PHF21B: variants seen among roughly 807,000 people sequenced by gnomAD.
PHF21B encodes PHD finger protein 21B, also known as PHD finger protein 4.
A neutral mutation model predicts 62.2 loss-of-function variants in PHF21B; 22 were observed. The ratio of observed to expected loss-of-function variants is 0.35; its 90% CI spans 0.25 to 0.51. PHF21B has a LOEUF of 0.51. PHF21B is among the 20% of genes least tolerant of loss of function. The pLI is 0.97. For missense variants in PHF21B, 701 were observed against 707.9 expected, an observed-to-expected ratio of 0.99 and a Z score of 0.11; for synonymous variants, 341 against 314.7, an observed-to-expected ratio of 1.08 and a Z score of -0.88.
rs2070762876 is a variant in PHF21B, at chr22:44,882,853, C to T, written c.*233G>A. 1.9e-6 allele frequency: 1 copy of T among 521,822 alleles called. No homozygotes were observed. Among genetic ancestry groups the T allele is most frequent in the Non-Finnish European group, 3.3e-6 (1 of 300,014 alleles). The allele number at this position is 521,822 out of a possible 1,614,324, so 32.3% of individuals were successfully genotyped here. ...GGGGAGACTGTGTGCCCCAGCCTGTCGTACCCCACCTGGCTCCTAGGTACC... is the reference window on the plus strand; with the variant it reads ...GGGGAGACTGTGTGCCCCAGCCTGTTGTACCCCACCTGGCTCCTAGGTACC... On this transcript the variant is annotated 3_prime_UTR_variant, in exon 13 of 13. Coordinates refer to ENST00000313237, the MANE Select transcript of PHF21B (RefSeq NM_138415.5).
At chr22:44,948,265 G>A (rs1045319602) in intron 2 of PHF21B, among the ~76,000 whole-genome samples, 1 of 152,178 alleles carries the variant, frequency 6.6e-6, no homozygotes, top group African/African-American at 2.4e-5. Context: ...GGAAATCTGA[G>A]CTTGTTTTCC....
chr22:44,979,978 A>AGAAT (rs1351669123), intron 2 of PHF21B, among the ~76,000 whole-genome samples: 1 of 145,224 alleles, frequency 6.9e-6, no homozygotes, highest in Non-Finnish European at 1.5e-5. Flanking sequence ...CTGAGGCAGG[A>AGAAT]GAATCGCTTG....
intron 5 of PHF21B, among the ~76,000 whole-genome samples, chr22:44,908,476 G>A (rs2071290148): frequency 6.6e-6 from 1 of 152,176 alleles, no homozygotes; most frequent in Admixed American, 6.5e-5. Flanking sequence ...CTGGGACACT[G>A]CTGACTCGAC....
At chr22:44,975,446 C>T (rs2072719243) in intron 2 of PHF21B, among the ~76,000 whole-genome samples, 2 of 152,226 alleles carry the variant, frequency 1.3e-5, no homozygotes, top group East Asian at 1.9e-4. Flanking sequence ...GCAGGCGTCC[C>T]TCTAGGCCTG....
chr22:44,931,359 C>T (rs905190263), intron 2 of PHF21B, among the ~76,000 whole-genome samples: 5 of 152,058 alleles, frequency 3.3e-5, no homozygotes, highest in Non-Finnish European at 7.4e-5. Context: ...GGCTCCCACC[C>T]GGCTCGGTCT....
chr22:44,932,998 G>A (rs1030418658), intron 2 of PHF21B, among the ~76,000 whole-genome samples: 11 of 152,332 alleles, frequency 7.2e-5, no homozygotes, highest in African/African-American at 2.2e-4. Context: ...AGGGGGCCCC[G>A]CATTCTAACA....
At chr22:44,974,480 T>A (rs548903428) in intron 2 of PHF21B, among the ~76,000 whole-genome samples, 1 of 151,310 alleles carries the variant, frequency 6.6e-6, no homozygotes, top group South Asian at 2.1e-4. Flanking sequence ...ACATGACACA[T>A]GCTTACATTT....
intron 2 of PHF21B, chr22:45,000,646 C>T (rs572835365): frequency 6.6e-6 from 1 of 152,272 alleles, no homozygotes; most frequent in East Asian, 1.9e-4. Context: ...TTTTAAGACT[C>T]TAAGGTATCA....
intron 9 of PHF21B, among the ~76,000 whole-genome samples, chr22:44,889,035 A>G (rs528809415): frequency 1.3e-5 from 2 of 152,260 alleles, no homozygotes; most frequent in African/African-American, 4.8e-5. Flanking sequence ...CCCAGCACCA[A>G]CCCGTGCCAT....
chr22:45,006,492 C>T (rs2073316405), intron 2 of PHF21B, among the ~76,000 whole-genome samples: 1 of 152,200 alleles, frequency 6.6e-6, no homozygotes, highest in African/African-American at 2.4e-5. Flanking sequence ...GCTGCCGCAA[C>T]CTTCAAACAG....
chr22:44,970,285 G>C (rs2072612620), intron 2 of PHF21B, among the ~76,000 whole-genome samples: 1 of 152,266 alleles, frequency 6.6e-6, no homozygotes, highest in Non-Finnish European at 1.5e-5. Context: ...AAGGGCAGGG[G>C]GGAATCTTTT....
At chr22:44,967,545 A>T (rs1281607880) in intron 2 of PHF21B, among the ~76,000 whole-genome samples, 1 of 152,158 alleles carries the variant, frequency 6.6e-6, no homozygotes, top group African/African-American at 2.4e-5. Flanking sequence ...TAAAAAATAA[A>T]TTTTATTCCA....
At chr22:44,906,491 C>T (rs975328946) in intron 5 of PHF21B, among the ~76,000 whole-genome samples, 2 of 152,144 alleles carry the variant, frequency 1.3e-5, no homozygotes, top group African/African-American at 4.8e-5. Flanking sequence ...GACCTTGCTC[C>T]GACTGCCCTT....
intron 2 of PHF21B, among the ~76,000 whole-genome samples, chr22:44,963,460 G>C (rs1048925444): frequency 1.3e-5 from 2 of 152,152 alleles, no homozygotes; most frequent in African/African-American, 2.4e-5. Flanking sequence ...TATCAAGCAG[G>C]GTCTGAGAGC....
chr22:44,889,801 G>A lies in PHF21B; in HGVS notation c.1016-19C>T. ...TCATTGGCTAGCACAGGGAAGAAGGGCGGAGAACACGTTAGTGGCCGTCAG... is the reference window on the plus strand; with the variant it reads ...TCATTGGCTAGCACAGGGAAGAAGGACGGAGAACACGTTAGTGGCCGTCAG... On this transcript the variant is annotated intron_variant, in intron 8 of 12. Coordinates refer to ENST00000313237, the MANE Select transcript of PHF21B (RefSeq NM_138415.5). 2 of 1,548,732 alleles carry A rather than the reference G, an allele frequency of 1.3e-6. No individual in the cohort carries two copies. Among genetic ancestry groups the A allele is most frequent in the Non-Finnish European group, 1.7e-6 (2 of 1,156,384 alleles).
Position 44,883,919 on chromosome 22 carries a change from C to T in PHF21B, c.1378-615G>A, listed in dbSNP as rs567887857. On this transcript the variant is annotated intron_variant, in intron 12 of 12. Transcript: ENST00000313237. ...GCATTTAAAGAGCTTCCCCAGGGCC[C>T]GCTACCATCACCATCCTCTAACACA... 1.3e-4 allele frequency among the ~76,000 whole-genome samples: 20 copies of T among 152,212 alleles called. No individual in the cohort carries two copies. In the East Asian group the frequency reaches 2.9e-3, roughly 22 times the overall value.
intron 2 of PHF21B, among the ~76,000 whole-genome samples, chr22:44,956,637 C>G (rs934260686): frequency 6.6e-6 from 1 of 152,126 alleles, no homozygotes; most frequent in African/African-American, 2.4e-5. Flanking sequence ...AGGGAGACCT[C>G]GAGGGACCCT....
chr22:44,968,779 T>G (rs929913631), intron 2 of PHF21B, among the ~76,000 whole-genome samples: 3 of 152,122 alleles, frequency 2.0e-5, no homozygotes, highest in African/African-American at 4.8e-5. Flanking sequence ...AATGCTCTAA[T>G]GAGTGCTTCC....
chr22:45,002,002 A>G (rs1432905207), intron 2 of PHF21B: 1 of 152,260 alleles, frequency 6.6e-6, no homozygotes, highest in East Asian at 1.9e-4. Context: ...ACCTTTAAAA[A>G]GTAGAATTCT....
Sources: gnomAD v4.1 joint callset for allele counts (sites outside exome capture counted in the v4.1 genomes callset) on GRCh38, gnomAD v4.1.1 for gene constraint, MANE v1.5 for transcripts, NCBI Gene and HGNC (gene_info 2026-07-23, HGNC 2026-07-21) for gene names.